Variants in FAM216A observed in about 807,000 individuals in gnomAD.
The protein encoded by FAM216A is protein FAM216A.
A neutral mutation model predicts 37.6 loss-of-function variants in FAM216A; 26 were observed. The observed-to-expected ratio is 0.69, with a 90% CI of 0.51 to 0.96. FAM216A has a LOEUF of 0.96. FAM216A is among the 40% of genes least tolerant of loss of function. The probability of loss-of-function intolerance (pLI) is 0.00; values close to 1 mark genes in which losing one functional copy is unlikely to be tolerated. For missense variants in FAM216A, 326 were observed against 339.3 expected (o/e 0.96, Z 0.31); for synonymous variants, 110 against 121.7 (o/e 0.90, Z 0.64).
rs773393900 is a variant in FAM216A, at chr12:110,486,616, A to G, written c.519A>G (p.Gln173=). The change falls in exon 5 of 7, where the codon CAA becomes CAG. Residue 173 remains glutamine (Q), a synonymous_variant. Coordinates refer to ENST00000377673, the MANE Select transcript of FAM216A (RefSeq NM_013300.3). Reference sequence around the variant, plus strand: ...ACCCTTGCACTACATGGCGACATCAACTGGAGAGAGAGGACTCGGGGTCTT... The same window carrying G: ...ACCCTTGCACTACATGGCGACATCAGCTGGAGAGAGAGGACTCGGGGTCTT... ...QHYPCTTWRH[Q]LEREDSGSSD... 6.2e-7 allele frequency: 1 copy of G among 1,614,200 alleles called. No homozygotes were observed. Among genetic ancestry groups the G allele is most frequent in the South Asian group, 1.1e-5 (1 of 91,084 alleles).
chr12:110,483,111 G>T (rs532333878), intron 2 of FAM216A, among the ~76,000 whole-genome samples: 15 of 151,572 alleles, frequency 9.9e-5, no homozygotes, highest in African/African-American at 3.6e-4. Context: ...AGATCACGAG[G>T]TCAGGAGATC....
In FAM216A at chr12:110,490,162, C is replaced by T. The variant is rs748544434; in HGVS notation, c.*25C>T. On this transcript the variant is annotated 3_prime_UTR_variant, in exon 7 of 7. Coordinates refer to ENST00000377673, the MANE Select transcript of FAM216A (RefSeq NM_013300.3). ...ACAGTCTTGTCTCGTGTATTGAATT[C>T]GTGCCAAAGGTGAGGGTAAGGGGTT... The T allele has an allele frequency of 1.8e-5, 21 of 1,168,586 alleles. No homozygotes were observed. The highest frequency in any genetic ancestry group is 2.3e-5 in the Non-Finnish European group (18 of 773,918). 72.4% of individuals were successfully genotyped at this position (1,168,586 alleles called of 1,614,324 possible).
At chr12:110,472,131 T>C (rs758404694) in intron 1 of FAM216A, among the ~76,000 whole-genome samples, 3 of 151,416 alleles carry the variant, frequency 2.0e-5, no homozygotes, top group African/African-American at 7.3e-5. Flanking sequence ...ACCGGGAGGC[T>C]GAAGTGGGAG....
rs184234225 is a variant in FAM216A at position 110,484,350 on chromosome 12, T to C, written c.185-728T>C. On this transcript the variant is annotated intron_variant, in intron 2 of 6. Coordinates refer to ENST00000377673, the MANE Select transcript of FAM216A (RefSeq NM_013300.3). The stretch of plus-strand genomic sequence containing the variant: ...ACTGAGACAGAAGAATGGCATGAAC[T>C]GGGGAGGCGGAGCTTGCAGTGAGCT... Among the ~76,000 whole-genome samples the C allele has an allele frequency of 8.0e-3, 1,025 of 127,996 alleles. 1 individual carries two copies. The highest frequency in any genetic ancestry group is 0.012 in the Admixed American group (118 of 9,846). The allele number at this position is 127,996 out of a possible 152,430, so 84.0% of individuals were successfully genotyped here. A position where few individuals can be genotyped will look rare whatever the true frequency, so the allele number is the denominator to read the frequency against.
At chr12:110,477,387 C>T (rs979875123) in intron 2 of FAM216A, among the ~76,000 whole-genome samples, 2 of 152,242 alleles carry the variant, frequency 1.3e-5, no homozygotes, top group Non-Finnish European at 2.9e-5. Flanking sequence ...GAGTCTCGCA[C>T]TGTCTCCTAG....
At chr12:110,475,702 A>C (rs2062711003) in intron 2 of FAM216A, among the ~76,000 whole-genome samples, 1 of 148,904 alleles carries the variant, frequency 6.7e-6, no homozygotes. Flanking sequence ...TTCCCAAGTA[A>C]CTGGGACTTC....
chr12:110,468,857 G>T lies in FAM216A; in HGVS notation c.-19G>T. On this transcript the variant is annotated 5_prime_UTR_variant, in exon 1 of 7. Coordinates refer to ENST00000377673, the MANE Select transcript of FAM216A (RefSeq NM_013300.3). ...CCGGAATACCAGCAGCCTGACGCAC[G>T]CGTGCTGTCGGGGGAGGGATGCTGG... 6.7e-7 allele frequency: 1 copy of T among 1,485,946 alleles called. No individual in the cohort carries two copies. Among genetic ancestry groups the T allele is most frequent in the Non-Finnish European group, 8.9e-7 (1 of 1,117,460 alleles). 92.0% of individuals were successfully genotyped at this position (1,485,946 alleles called of 1,614,324 possible).
At chr12:110,484,023 G>A (rs568614772) in intron 2 of FAM216A, among the ~76,000 whole-genome samples, 1 of 151,958 alleles carries the variant, frequency 6.6e-6, no homozygotes, top group African/African-American at 2.4e-5. Flanking sequence ...GCAGAGGCGG[G>A]AGAATCTCTT....
intron 2 of FAM216A, among the ~76,000 whole-genome samples, chr12:110,473,793 C>T (rs1032272532): frequency 6.6e-5 from 10 of 152,186 alleles, no homozygotes; most frequent in African/African-American, 2.2e-4. Context: ...ATGTTTTCCT[C>T]TCACTTGAAA....
rs2062804473 is a variant in FAM216A at position 110,490,218 on chromosome 12, AT to A, written c.*83del. 12 of 760,708 alleles carry A rather than the reference AT, an allele frequency of 1.6e-5. No individual in the cohort carries two copies. Among genetic ancestry groups the A allele is most frequent in the Non-Finnish European group, 2.8e-5 (12 of 428,144 alleles). The allele number at this position is 760,708 out of a possible 1,614,324, so 47.1% of individuals were successfully genotyped here. ...TTGTGTCCTGTATGTTTAGGATGGT[AT>A]TGTTATTTATTAAATCATTAAGTAA... On this transcript the variant is annotated 3_prime_UTR_variant, in exon 7 of 7. Transcript: ENST00000377673.
Position 110,485,320 on chromosome 12 carries a change from T to C in FAM216A, c.306+121T>C, listed in dbSNP as rs569324365. ...AGATGACAAGGCATATGCAGTATAA[T>C]TGTCTAGGAGTCAATAAATATCTTT... On this transcript the variant is annotated intron_variant, in intron 3 of 6. Transcript: ENST00000377673. 3.0e-5 allele frequency: 23 copies of C among 770,170 alleles called. No homozygotes were observed. In the Admixed American group the frequency reaches 5.8e-4, roughly 19 times the overall value. 47.7% of individuals were successfully genotyped at this position (770,170 alleles called of 1,614,324 possible). A position where few individuals can be genotyped will look rare whatever the true frequency, so the allele number is the denominator to read the frequency against.
chr12:110,488,214 C>T (rs2062787406), intron 6 of FAM216A, among the ~76,000 whole-genome samples: 1 of 151,788 alleles, frequency 6.6e-6, no homozygotes. Context: ...GTTCGAGACC[C>T]GCCTGGCCAA....
chr12:110,475,430 C>T (rs1356663092), intron 2 of FAM216A, among the ~76,000 whole-genome samples: 15 of 152,030 alleles, frequency 9.9e-5, no homozygotes, highest in East Asian at 9.7e-4. Flanking sequence ...TTAGTGGAGA[C>T]GGGGTTTCAC....
In FAM216A at chr12:110,477,042, T is replaced by G. The variant is rs190692958; in HGVS notation, c.184+3924T>G. On this transcript the variant is annotated intron_variant, in intron 2 of 6. Coordinates refer to ENST00000377673, the MANE Select transcript of FAM216A (RefSeq NM_013300.3). ...GGCCCAGGCCTGTTCTTTTGTAGAA[T>G]TTCCCTAAATTTGGGTTTGTTTGAT... 5.1e-4 allele frequency among the ~76,000 whole-genome samples: 78 copies of G among 152,326 alleles called. 1 individual carries two copies. In the East Asian group the frequency reaches 0.012, roughly 24 times the overall value.
chr12:110,473,191 C>A, intron 2 of FAM216A, 73 bp downstream of exon 2: 1 of 767,888 alleles, frequency 1.3e-6, no homozygotes, highest in Non-Finnish European at 2.1e-6. Flanking sequence ...TCTGTAACTA[C>A]TTACACAATA....
intron 5 of FAM216A, chr12:110,486,986 C>G (rs2062781074): frequency 2.7e-6 from 1 of 364,024 alleles, no homozygotes; most frequent in South Asian, 4.1e-5. Context: ...TCACCTCCGC[C>G]TCCCAAAGCA....
chr12:110,474,154 G>C (rs1358000248), intron 2 of FAM216A, among the ~76,000 whole-genome samples: 2 of 152,094 alleles, frequency 1.3e-5, no homozygotes, highest in East Asian at 1.9e-4. Context: ...ATGTGTTGCA[G>C]TCTGGGTTCA....
intron 2 of FAM216A, among the ~76,000 whole-genome samples, chr12:110,481,348 A>C (rs1366318099): frequency 6.6e-6 from 1 of 151,808 alleles, no homozygotes; most frequent in East Asian, 1.9e-4. Context: ...CTGCCATACT[A>C]TTTTTCTTTT....
chr12:110,468,587 TG>T, upstream of FAM216A: 1 of 1,537,212 alleles, frequency 6.5e-7, no homozygotes, highest in African/African-American at 1.4e-5. Flanking sequence ...GCAAATGTGC[TG>T]AGGATCTGGA....
Sources: gnomAD v4.1 joint callset for allele counts (sites outside exome capture counted in the v4.1 genomes callset) on GRCh38, gnomAD v4.1.1 for gene constraint, MANE v1.5 for transcripts, NCBI Gene and HGNC (gene_info 2026-07-23, HGNC 2026-07-21) for gene names.